AGTR1: variants seen among roughly 807,000 people sequenced by gnomAD.
AGTR1 encodes type-1 angiotensin II receptor.
AGTR1 carries 16 observed loss-of-function variants against 19.4 expected under a neutral mutation model. That is an observed-to-expected ratio of 0.82 (90% CI 0.56 to 1.25). The LOEUF is 1.25. AGTR1 is among the 50% of genes most tolerant of loss of function. The probability of loss-of-function intolerance (pLI) is 0.00; values close to 1 mark genes in which losing one functional copy is unlikely to be tolerated. For missense variants in AGTR1, 373 were observed against 431.9 expected (o/e 0.86, Z 1.21); for synonymous variants, 153 against 154.9 (o/e 0.99, Z 0.09).
rs1559920329 is a variant in AGTR1 at position 148,700,546 on chromosome 3, T to C, written c.-132+2419T>C. 2.0e-5 allele frequency among the ~76,000 whole-genome samples: 3 copies of C among 152,300 alleles called. No individual in the cohort carries two copies. In the East Asian group the frequency reaches 5.8e-4, roughly 29 times the overall value. The stretch of plus-strand genomic sequence containing the variant: ...TCCTGCCCTCTAGCCGCATGCTTAT[T>C]AGTTTACCTAGCCCTTTTTCTGGTC... On this transcript the variant is annotated intron_variant, in intron 1 of 2. Coordinates refer to ENST00000349243, the MANE Select transcript of AGTR1 (RefSeq NM_000685.5).
intron 1 of AGTR1, among the ~76,000 whole-genome samples, chr3:148,698,807 A>G (rs12721266): frequency 0.027 from 4,123 of 152,292 alleles, 174 homozygotes; most frequent in African/African-American, 0.093. Context: ...CTGAGACAGA[A>G]TTTTAGCAAA....
chr3:148,717,063 A>G (rs930889551), intron 2 of AGTR1, among the ~76,000 whole-genome samples: 3 of 152,160 alleles, frequency 2.0e-5, no homozygotes, highest in Admixed American at 6.6e-5. Context: ...CTTTGGGGAA[A>G]CTGTTGGGGG....
chr3:148,717,497 T>C (rs1416915050), intron 2 of AGTR1, among the ~76,000 whole-genome samples: 1 of 152,168 alleles, frequency 6.6e-6, no homozygotes, highest in Non-Finnish European at 1.5e-5. Context: ...CTGTTACTGT[T>C]TAATTAACTG....
chr3:148,734,299 C>CTGGGTTCTT (rs1209460530), intron 2 of AGTR1, among the ~76,000 whole-genome samples: 35 of 152,236 alleles, frequency 2.3e-4, no homozygotes, highest in African/African-American at 8.4e-4. Context: ...TTTCATAAAA[C>CTGGGTTCTT]TGGGTTCTTT....
chr3:148,699,436 C>T (rs1307434497), intron 1 of AGTR1, among the ~76,000 whole-genome samples: 1 of 152,158 alleles, frequency 6.6e-6, no homozygotes, highest in Non-Finnish European at 1.5e-5. Flanking sequence ...AAAGGCCCCA[C>T]CTGCATAACC....
chr3:148,741,190 T>G lies in AGTR1; in HGVS notation c.155T>G (p.Val52Gly), dbSNP rs150629733. 2.1e-4 allele frequency: 344 copies of G among 1,614,056 alleles called. No homozygotes were observed. Among genetic ancestry groups the G allele is most frequent in the Non-Finnish European group, 2.7e-4 (314 of 1,180,048 alleles). The change falls in exon 3 of 3, where the codon GTC becomes GGC. Residue 52 changes from valine (V) to glycine (G), a missense_variant. By Grantham distance (109) the Val-to-Gly change is moderately radical. Transcript: ENST00000349243. ...GIFGNSLVVIVIYFYMKLKTV... is the reference protein window; with the variant it reads ...GIFGNSLVVIGIYFYMKLKTV... ...TTTGGAAACAGCTTGGTGGTGATAG[T>G]CATTTACTTTTATATGAAGCTGAAG...
chr3:148,715,518 C>A (rs955050207), intron 2 of AGTR1, among the ~76,000 whole-genome samples: 6 of 151,944 alleles, frequency 3.9e-5, no homozygotes, highest in Admixed American at 2.6e-4. Context: ...AGAGACATCC[C>A]CCAGAGTAAG....
At chr3:148,735,899 A>G (rs1714548517) in intron 2 of AGTR1, among the ~76,000 whole-genome samples, 1 of 152,244 alleles carries the variant, frequency 6.6e-6, no homozygotes, top group Non-Finnish European at 1.5e-5. Flanking sequence ...CAAATGGCTT[A>G]CAAACATTTT....
intron 1 of AGTR1, among the ~76,000 whole-genome samples, chr3:148,705,551 T>C (rs1712621013): frequency 4.6e-5 from 7 of 152,158 alleles, no homozygotes. Flanking sequence ...AAGATGTGAT[T>C]CTTGGGTAAT....
chr3:148,741,649 T>C lies in AGTR1; in HGVS notation c.614T>C (p.Leu205Pro), dbSNP rs1323787639. 2.5e-6 allele frequency: 4 copies of C among 1,614,176 alleles called. No homozygotes were observed. In the Admixed American group the frequency reaches 6.7e-5, roughly 27 times the overall value. ...CTGACCAAAAATATACTGGGTTTCC[T>C]GTTTCCTTTTCTGATCATTCTTACA... Reference protein sequence around the residue: ...LGLTKNILGFLFPFLIILTSY... With the variant: ...LGLTKNILGFPFPFLIILTSY... The change falls in exon 3 of 3, where the codon CTG becomes CCG. Residue 205 changes from leucine to proline, a missense_variant. Leu to Pro is a moderately conservative substitution (Grantham distance 98). Transcript: ENST00000349243.
intron 1 of AGTR1, among the ~76,000 whole-genome samples, chr3:148,700,972 G>A (rs992289826): frequency 3.9e-5 from 6 of 152,078 alleles, no homozygotes; most frequent in African/African-American, 7.2e-5. Flanking sequence ...AAATTTGATC[G>A]ATTTGTATCC....
intron 2 of AGTR1, among the ~76,000 whole-genome samples, chr3:148,723,381 C>T (rs1713754362): frequency 6.6e-6 from 1 of 152,210 alleles, no homozygotes; most frequent in South Asian, 2.1e-4. Context: ...CCTCACCAGT[C>T]ATCTAGCCAG....
chr3:148,713,526 A>C (rs1713120701), intron 2 of AGTR1, among the ~76,000 whole-genome samples: 1 of 152,192 alleles, frequency 6.6e-6, no homozygotes, highest in South Asian at 2.1e-4. Flanking sequence ...TCAGATGCCG[A>C]GGACCCAAGA....
chr3:148,715,961 C>G (rs958388838), intron 2 of AGTR1, among the ~76,000 whole-genome samples: 1 of 152,110 alleles, frequency 6.6e-6, no homozygotes, highest in African/African-American at 2.4e-5. Context: ...AACTAGTACC[C>G]TGATGGAAAT....
intron 2 of AGTR1, chr3:148,730,183 A>C (rs1325533009): frequency 2.5e-6 from 1 of 398,376 alleles, no homozygotes; most frequent in Non-Finnish European, 4.4e-6. Flanking sequence ...TTTCCAGATG[A>C]AGAAAATGAA....
At chr3:148,723,402 T>C (rs1038153750) in intron 2 of AGTR1, among the ~76,000 whole-genome samples, 1 of 152,190 alleles carries the variant, frequency 6.6e-6, no homozygotes, top group African/African-American at 2.4e-5. Context: ...GGCCACTGAG[T>C]GTGGCTCTAT....
chr3:148,738,403 G>A (rs1400739288), intron 2 of AGTR1, among the ~76,000 whole-genome samples: 4 of 151,684 alleles, frequency 2.6e-5, no homozygotes, highest in African/African-American at 9.7e-5. Context: ...TCTACTAGAT[G>A]GTTAAAAGGA....
chr3:148,711,505 A>G (rs1576526414), intron 2 of AGTR1, among the ~76,000 whole-genome samples: 1 of 152,188 alleles, frequency 6.6e-6, no homozygotes, highest in Non-Finnish European at 1.5e-5. Flanking sequence ...TAATCGCAGA[A>G]TCTTACTAAC....
intron 2 of AGTR1, among the ~76,000 whole-genome samples, chr3:148,713,978 C>G (rs1316748610): frequency 6.6e-6 from 1 of 152,096 alleles, no homozygotes; most frequent in Admixed American, 6.6e-5. Context: ...AGTTATTGAA[C>G]AGTTATGAGG....
Sources: gnomAD v4.1 joint callset for allele counts (sites outside exome capture counted in the v4.1 genomes callset) on GRCh38, gnomAD v4.1.1 for gene constraint, MANE v1.5 for transcripts, NCBI Gene and HGNC (gene_info 2026-07-23, HGNC 2026-07-21) for gene names.